SDK2: variants seen among roughly 807,000 people sequenced by gnomAD.
The protein encoded by SDK2 is sidekick cell adhesion molecule 2, also known as protein sidekick-2.
A neutral mutation model predicts 253.9 loss-of-function variants in SDK2; 105 were observed. The ratio of observed to expected loss-of-function variants is 0.41; its 90% CI spans 0.35 to 0.49. The LOEUF (loss-of-function observed/expected upper bound fraction) is 0.49, where lower values mean the gene tolerates loss of function less well. Ranked by LOEUF, SDK2 falls within the 20% of genes least tolerant of loss-of-function variation. SDK2 has a pLI of 0.06. For missense variants in SDK2, 2,608 were observed against 3,003.0 expected (o/e 0.87, Z 3.07); for synonymous variants, 1,249 against 1,234.9 (o/e 1.01, Z -0.24).
intron 2 of SDK2, among the ~76,000 whole-genome samples, chr17:73,504,980 C>A (rs983984426): frequency 6.6e-6 from 1 of 152,088 alleles, no homozygotes; most frequent in Non-Finnish European, 1.5e-5. Context: ...TCAGGCACAC[C>A]GTTGCCCCCA....
Position 73,644,153 on chromosome 17 carries a change from T to A in SDK2, c.-65A>T. The A allele has an allele frequency of 7.4e-7, 1 of 1,347,040 alleles. No individual in the cohort carries two copies. The highest frequency in any genetic ancestry group is 1.3e-5 in the South Asian group (1 of 79,386). The allele number at this position is 1,347,040 out of a possible 1,614,324, so 83.4% of individuals were successfully genotyped here. On this transcript the variant is annotated 5_prime_UTR_variant, in exon 1 of 45. Coordinates refer to ENST00000392650, the MANE Select transcript of SDK2 (RefSeq NM_001144952.2). The surrounding 1 kb of genome is among the most constrained non-coding windows in gnomAD (Gnocchi z 6.3). ...CCTCCGCCCTGTTTTATAATCCTGG[T>A]GGGGTCCGATACCCCGTGGCTTAGT...
intron 26 of SDK2, 27 bp downstream of exon 26, chr17:73,394,182 C>A: frequency 7.0e-7 from 1 of 1,437,034 alleles, no homozygotes. Context: ...GTGTAGGGAC[C>A]CCACCTCCTG....
chr17:73,376,738 C>T (rs183102222), intron 36 of SDK2, among the ~76,000 whole-genome samples: 81 of 152,294 alleles, frequency 5.3e-4, no homozygotes, highest in African/African-American at 1.9e-3. Flanking sequence ...GCCCTGGCCC[C>T]TTTCTTTTCC....
Position 73,391,465 on chromosome 17 carries a change from AG to A in SDK2, c.3971del (p.Pro1324LeufsTer69). On this transcript the variant is annotated frameshift_variant, in exon 28 of 45. Transcript: ENST00000392650. LOFTEE classifies it high-confidence loss of function. ...TTSVRLIWQP[P>X]AAPNGIILAY... is the part of the protein sequence containing the mutation. Reference sequence around the variant, plus strand: ...CAAGAATGATGCCATTGGGGGCGGCAGGGGGCTGCCAGATCAGCCGCACAGA... The same window carrying A: ...CAAGAATGATGCCATTGGGGGCGGCAGGGGCTGCCAGATCAGCCGCACAGA... 3 of 1,310,434 alleles carry A rather than the reference AG, an allele frequency of 2.3e-6. No individual in the cohort carries two copies. The highest frequency in any genetic ancestry group is 3.2e-5 in the South Asian group (1 of 30,988). The allele number at this position is 1,310,434 out of a possible 1,614,324, so 81.2% of individuals were successfully genotyped here.
rs201204055 is a variant in SDK2, at chr17:73,401,146, C to T, written c.2845G>A (p.Val949Met). Residue 949 changes from valine (V) to methionine (M), a missense_variant, in exon 21 of 45, where the codon GTG becomes ATG. Val to Met is a conservative substitution (Grantham distance 21). Coordinates refer to ENST00000392650, the MANE Select transcript of SDK2 (RefSeq NM_001144952.2). ...NTRVTHYLPN[V>M]TLEYRVTGLT... ...CCCGTGACACGGTACTCCAGGGTCA[C>T]GTTGGGCAGGTAGTGGGTCACACGG... 29 of 1,560,658 alleles carry T rather than the reference C, an allele frequency of 1.9e-5. No individual in the cohort carries two copies. The highest frequency in any genetic ancestry group is 1.7e-4 in the Admixed American group (9 of 51,920).
intron 40 of SDK2, chr17:73,357,773 T>C (rs2062603996): frequency 2.1e-6 from 1 of 470,926 alleles, no homozygotes; most frequent in South Asian, 2.0e-5. Context: ...GAGGATTCGG[T>C]GTGTGACCCA....
chr17:73,349,717 A>G (rs541790057), intron 43 of SDK2, among the ~76,000 whole-genome samples: 49 of 152,284 alleles, frequency 3.2e-4, no homozygotes, highest in African/African-American at 9.9e-4. Context: ...GTCCTTTAAT[A>G]GGTATAAATA....
chr17:73,429,600 G>C (rs1229653832), intron 12 of SDK2, among the ~76,000 whole-genome samples: 6 of 152,264 alleles, frequency 3.9e-5, no homozygotes, highest in Non-Finnish European at 8.8e-5. Context: ...GGCATGAGGA[G>C]GAGGCCATTT....
At chr17:73,523,691 G>A (rs748875) in intron 1 of SDK2, among the ~76,000 whole-genome samples, 51,572 of 151,868 alleles carry the variant, frequency 0.34, 9,931 homozygotes, top group South Asian at 0.46. Flanking sequence ...CCAGAACTGC[G>A]CGACAAGAAA....
chr17:73,369,972 C>T (rs1003378836), intron 36 of SDK2, among the ~76,000 whole-genome samples: 13 of 152,194 alleles, frequency 8.5e-5, no homozygotes. Context: ...CTCTGTAGCA[C>T]AGGTTAACAC....
chr17:73,587,747 C>T lies in SDK2; in HGVS notation c.64+56278G>A, dbSNP rs141246612. On this transcript the variant is annotated intron_variant, in intron 1 of 44. Coordinates refer to ENST00000392650, the MANE Select transcript of SDK2 (RefSeq NM_001144952.2). ...TGTGCCCATCAAACCCTCAGGCCCG[C>T]TTCTCTGGATCTGGCTCATTACATT... Among the ~76,000 whole-genome samples, 7 of 152,364 alleles carry T rather than the reference C, an allele frequency of 4.6e-5. 1 individual carries two copies. The highest frequency in any genetic ancestry group is 1.7e-4 in the African/African-American group (7 of 41,594).
At chr17:73,348,371 AC>A (rs2062502919) in intron 44 of SDK2, among the ~76,000 whole-genome samples, 1 of 151,882 alleles carries the variant, frequency 6.6e-6, no homozygotes, top group Non-Finnish European at 1.5e-5. Context: ...TCTTCGGGGT[AC>A]CCCCTATGAT....
rs1001621381 is a variant in SDK2, at chr17:73,435,049, A to G, written c.1195+401T>C. ...TTTGCGAGCAGGAGAACTAAGAGAA[A>G]AACACCAGTTTTCTTCTTTGGAAAC... On this transcript the variant is annotated intron_variant, in intron 9 of 44. Transcript: ENST00000392650. This position sits in a 1 kb window ranked among gnomAD's most constrained non-coding sequence, Gnocchi z 5.7. Among the ~76,000 whole-genome samples, 1 of 152,154 alleles carries G rather than the reference A, an allele frequency of 6.6e-6. No homozygotes were observed. Among genetic ancestry groups the G allele is most frequent in the Admixed American group, 6.5e-5 (1 of 15,280 alleles).
At chr17:73,414,494 T>C in intron 18 of SDK2, 150 bp downstream of exon 18, 1 of 634,522 alleles carries the variant, frequency 1.6e-6, no homozygotes, top group Non-Finnish European at 2.8e-6. Flanking sequence ...GGCCTGGAAC[T>C]CTTTTCCTCT....
intron 3 of SDK2, among the ~76,000 whole-genome samples, chr17:73,457,222 TCTTCCTTCCTTCCTTCCTTCCTTC>T (rs150011955): frequency 8.2e-4 from 34 of 41,328 alleles, no homozygotes; most frequent in East Asian, 2.7e-3. Context: ...TTTTCTTTTC[TCTTCCTTCCTTCCTTCCTTCCTTC>T]CTTCCTTCCT....
In SDK2 at chr17:73,359,235, T is replaced by A. The variant is rs1444722932; in HGVS notation, c.5468-1031A>T. Among the ~76,000 whole-genome samples, 21 of 151,430 alleles carry A rather than the reference T, an allele frequency of 1.4e-4. No homozygotes were observed. In the East Asian group the frequency reaches 3.9e-3, roughly 28 times the overall value. ...GCAGAGTCTAGCATCACACTGATGCTCCCCCAGGGCCCTGGAGGGCCAGCA... is the reference window on the plus strand; with the variant it reads ...GCAGAGTCTAGCATCACACTGATGCACCCCCAGGGCCCTGGAGGGCCAGCA... On this transcript the variant is annotated intron_variant, in intron 39 of 44. Transcript: ENST00000392650.
Position 73,379,473 on chromosome 17 carries a change from C to CG in SDK2, c.4838dup (p.Gln1614AlafsTer16), listed in dbSNP as rs772983269. 4 of 1,609,334 alleles carry CG rather than the reference C, an allele frequency of 2.5e-6. No homozygotes were observed. The highest frequency in any genetic ancestry group is 1.1e-5 in the South Asian group (1 of 90,420). On this transcript the variant is annotated frameshift_variant, in exon 35 of 45. Transcript: ENST00000392650. LOFTEE classifies it high-confidence loss of function. The surrounding 1 kb of genome is among the most constrained non-coding windows in gnomAD (Gnocchi z 4.5). Reference sequence around the variant, plus strand: ...CTGCCTCCCCAACAAAGACCTCCTGCGGGGGGCTGGAGGGCCCCTCACCCA... The same window carrying CG: ...CTGCCTCCCCAACAAAGACCTCCTGCGGGGGGGCTGGAGGGCCCCTCACCCA...
rs1033450391 is a variant in SDK2 at position 73,452,038 on chromosome 17, C to G, written c.479+3868G>C. On this transcript the variant is annotated intron_variant, in intron 4 of 44. Transcript: ENST00000392650. ...CCAGCCCTGCCCTCCCTTCCCCCCA[C>G]TGCTCCTGTTAATCCAGGCCATTTT... Among the ~76,000 whole-genome samples the G allele has an allele frequency of 7.2e-5, 11 of 152,250 alleles. No homozygotes were observed. The South Asian group carries it at 2.3e-3, about 32-fold the overall frequency.
At chr17:73,641,337 T>C (rs1460888481) in intron 1 of SDK2, among the ~76,000 whole-genome samples, 1 of 152,226 alleles carries the variant, frequency 6.6e-6, no homozygotes, top group East Asian at 1.9e-4. Flanking sequence ...TTATTGCCAG[T>C]GTACAGATGA....
Sources: gnomAD v4.1 joint callset for allele counts (sites outside exome capture counted in the v4.1 genomes callset) on GRCh38, gnomAD v4.1.1 for gene constraint, Gnocchi (gnomAD v3.1) non-coding constraint, MANE v1.5 for transcripts, NCBI Gene and HGNC (gene_info 2026-07-23, HGNC 2026-07-21) for gene names.